Variants in VAV2 observed in about 807,000 individuals in gnomAD.
VAV2 encodes guanine nucleotide exchange factor VAV2.
A neutral mutation model predicts 132.5 loss-of-function variants in VAV2; 67 were observed. That is an observed-to-expected ratio of 0.51 (90% CI 0.42 to 0.62). The LOEUF (loss-of-function observed/expected upper bound fraction) is 0.62. Among genes scored for constraint, VAV2 ranks in the 20% least tolerant of loss-of-function variants. The pLI, the probability that VAV2 is intolerant of heterozygous loss-of-function variation, is 0.00. For synonymous variants in VAV2, 492 were observed against 443.5 expected (o/e 1.11, Z -1.37); for missense variants, 938 against 1,153.6 (o/e 0.81, Z 2.71).
At chr9:133,897,669 G>T (rs891415604) in intron 2 of VAV2, among the ~76,000 whole-genome samples, 2 of 152,156 alleles carry the variant, frequency 1.3e-5, no homozygotes, top group Non-Finnish European at 2.9e-5. Context: ...TCCATTTCCA[G>T]ATCGTCCATG....
At chr9:133,784,699 G>A (rs1405231709) in intron 17 of VAV2, among the ~76,000 whole-genome samples, 1 of 152,232 alleles carries the variant, frequency 6.6e-6, no homozygotes, top group African/African-American at 2.4e-5. Flanking sequence ...GGGCTTGGAT[G>A]TGGGCAGGTG....
chr9:133,889,281 T>C (rs1306005433), intron 2 of VAV2, among the ~76,000 whole-genome samples: 1 of 151,948 alleles, frequency 6.6e-6, no homozygotes, highest in Non-Finnish European at 1.5e-5. Flanking sequence ...TGCCGAAGGG[T>C]GGGGGCTCAC....
chr9:133,792,391 GGTGT>G (rs1834523028), intron 12 of VAV2, among the ~76,000 whole-genome samples: 3 of 150,294 alleles, frequency 2.0e-5, no homozygotes, highest in Non-Finnish European at 4.4e-5. Flanking sequence ...GCTGTGCTGT[GGTGT>G]GTATGTGTAT....
chr9:133,896,053 G>A lies in VAV2; in HGVS notation c.322-34621C>T, dbSNP rs1839188631. 2.3e-5 allele frequency among the ~76,000 whole-genome samples: 2 copies of A among 87,626 alleles called. 1 individual carries two copies. The highest frequency in any genetic ancestry group is 4.8e-5 in the Non-Finnish European group (2 of 41,582). The allele number at this position is 87,626 out of a possible 152,430, so 57.5% of individuals were successfully genotyped here. On this transcript the variant is annotated intron_variant, in intron 2 of 29. Transcript: ENST00000371850. ...ATAAACAAGTGAACAAAGGTCTCTG[G>A]TTTTCCTAGGCAGAGGACCCTGCGG... is the stretch of plus-strand genomic sequence containing the variant.
At chr9:133,931,788 G>C (rs1377792490) in intron 2 of VAV2, among the ~76,000 whole-genome samples, 1 of 152,172 alleles carries the variant, frequency 6.6e-6, no homozygotes, top group Non-Finnish European at 1.5e-5. Context: ...CCTGCCCAGG[G>C]CCCCGCGAAG....
chr9:133,942,636 A>G (rs1006865662), intron 1 of VAV2, among the ~76,000 whole-genome samples: 2 of 152,236 alleles, frequency 1.3e-5, no homozygotes, highest in Non-Finnish European at 2.9e-5. Context: ...CCAAGTTTAG[A>G]GTTAATTACA....
At position 133,909,930 on chromosome 9, in the gene VAV2, G is replaced by T. The variant is rs76628719; in HGVS notation, c.321+29173C>A. ...GCTCACAGGGCAAGGGCAGGGCTGG[G>T]GGCCTCCCATCCTCCATCCTCCCCT... is the stretch of plus-strand genomic sequence containing the variant. On this transcript the variant is annotated intron_variant, in intron 2 of 29. Coordinates refer to ENST00000371850, the MANE Select transcript of VAV2 (RefSeq NM_001134398.2). 7.9e-3 allele frequency among the ~76,000 whole-genome samples: 1,196 copies of T among 152,262 alleles called. 19 individuals are homozygous for T. The highest frequency in any genetic ancestry group is 0.027 in the African/African-American group (1,121 of 41,534).
At chr9:133,766,759 A>AATAAATATATATATATAT (rs1554767605) in intron 29 of VAV2, among the ~76,000 whole-genome samples, 1 of 112,108 alleles carries the variant, frequency 8.9e-6, no homozygotes, top group Non-Finnish European at 1.8e-5. Flanking sequence ...AGTATAAATA[A>AATAAATATATATATATAT]ATATATATAT....
At chr9:133,797,094 A>G (rs1834749178) in intron 10 of VAV2, among the ~76,000 whole-genome samples, 1 of 152,234 alleles carries the variant, frequency 6.6e-6, no homozygotes, top group South Asian at 2.1e-4. Flanking sequence ...GGCTCCACGC[A>G]GAAACCAGGG....
chr9:133,906,127 C>T (rs1422447230), intron 2 of VAV2, among the ~76,000 whole-genome samples: 4 of 152,204 alleles, frequency 2.6e-5, no homozygotes, highest in Non-Finnish European at 5.9e-5. Flanking sequence ...TATCGGCAGT[C>T]CCCAGTGTGG....
At chr9:133,818,223 A>G (rs2486332) in intron 4 of VAV2, among the ~76,000 whole-genome samples, 63,958 of 151,826 alleles carry the variant, frequency 0.42, 14,022 homozygotes, top group Non-Finnish European at 0.49. Flanking sequence ...AAAATTAGCC[A>G]GGCATGGTGG....
At position 133,804,393 on chromosome 9, in the gene VAV2, G is replaced by A. The variant is rs1019780577; in HGVS notation, c.836+1688C>T. Among the ~76,000 whole-genome samples the A allele has an allele frequency of 3.9e-5, 6 of 152,218 alleles. No individual in the cohort carries two copies. The highest frequency in any genetic ancestry group is 1.2e-4 in the African/African-American group (5 of 41,458). ...GGGCCTGTGACTGGACGTGCTGCCC[G>A]CACTGCAGTGGCGCTCCAAGGCAGA... On this transcript the variant is annotated intron_variant, in intron 9 of 29. Coordinates refer to ENST00000371850, the MANE Select transcript of VAV2 (RefSeq NM_001134398.2). This position sits in a 1 kb window ranked among gnomAD's most constrained non-coding sequence, Gnocchi z 4.5.
intron 22 of VAV2, among the ~76,000 whole-genome samples, chr9:133,778,037 G>A (rs758653919): frequency 4.3e-4 from 66 of 152,158 alleles, no homozygotes; most frequent in Non-Finnish European, 8.7e-4. Context: ...TAGAGGGGCC[G>A]AGGACTGGGG....
Position 133,857,927 on chromosome 9 carries a change from G to C in VAV2, c.380+3447C>G, listed in dbSNP as rs1471825994. Among the ~76,000 whole-genome samples, 4 of 152,212 alleles carry C rather than the reference G, an allele frequency of 2.6e-5. No homozygotes were observed. Among genetic ancestry groups the C allele is most frequent in the Non-Finnish European group, 5.9e-5 (4 of 68,030 alleles). ...GGCCCCGGGGAGGAGGGCCTGCAGA[G>C]GTCTTCCTGCAAAGCCTCGCTCTGC... On this transcript the variant is annotated intron_variant, in intron 3 of 29. Transcript: ENST00000371850. This position sits in a 1 kb window ranked among gnomAD's most constrained non-coding sequence, Gnocchi z 4.0.
chr9:133,856,889 C>T (rs35711919), intron 3 of VAV2, among the ~76,000 whole-genome samples: 25,183 of 152,154 alleles, frequency 0.17, 2,178 homozygotes, highest in Non-Finnish European at 0.18. Context: ...CCCTTTTCCT[C>T]GTCACACTCT....
At chr9:133,924,942 C>T (rs963758247) in intron 2 of VAV2, among the ~76,000 whole-genome samples, 23 of 152,344 alleles carry the variant, frequency 1.5e-4, no homozygotes, top group Middle Eastern at 3.4e-3. Flanking sequence ...TGAAACTTCA[C>T]GCTCAGTGCA....
rs537425855 is a variant in VAV2, at chr9:133,928,145, CA to C, written c.321+10957del. Among the ~76,000 whole-genome samples the C allele has an allele frequency of 1.5e-3, 224 of 151,840 alleles. No individual in the cohort carries two copies. Among genetic ancestry groups the C allele is most frequent in the Middle Eastern group, 3.4e-3 (1 of 292 alleles). On this transcript the variant is annotated intron_variant, in intron 2 of 29. Coordinates refer to ENST00000371850, the MANE Select transcript of VAV2 (RefSeq NM_001134398.2). This position sits in a 1 kb window ranked among gnomAD's most constrained non-coding sequence, Gnocchi z 5.4. ...CATCCCCAGTTATAAAACGGCGGGT[CA>C]GCATCCGATGGGCTTACCGACTCCG...
chr9:133,934,344 A>G (rs1435537637), intron 2 of VAV2, among the ~76,000 whole-genome samples: 6 of 152,216 alleles, frequency 3.9e-5, no homozygotes, highest in African/African-American at 1.4e-4. Context: ...CAGAGACACC[A>G]GCCAGCTGTG....
intron 3 of VAV2, among the ~76,000 whole-genome samples, chr9:133,844,976 T>C (rs1273243355): frequency 6.6e-6 from 1 of 152,254 alleles, no homozygotes; most frequent in East Asian, 1.9e-4. Context: ...TGGAACGCTC[T>C]GTCAGCTACT....
Sources: gnomAD v4.1 joint callset for allele counts (sites outside exome capture counted in the v4.1 genomes callset) on GRCh38, gnomAD v4.1.1 for gene constraint, Gnocchi (gnomAD v3.1) non-coding constraint, MANE v1.5 for transcripts, NCBI Gene and HGNC (gene_info 2026-07-23, HGNC 2026-07-21) for gene names.